MAML2: variants seen among roughly 807,000 people sequenced by gnomAD.
MAML2 encodes mastermind-like protein 2.
In MAML2, 22 loss-of-function variants were observed where a neutral mutation model predicts 96.1. That is an observed-to-expected ratio of 0.23 (90% CI 0.16 to 0.33). MAML2 has a LOEUF of 0.33. MAML2 is among the 10% of genes least tolerant of loss of function. The pLI is 1.00. For synonymous variants in MAML2, 561 were observed against 521.3 expected (o/e 1.08, Z -1.04); for missense variants, 1,367 against 1,392.4 (o/e 0.98, Z 0.29).
chr11:96,272,562 G>T (rs1400726200), intron 1 of MAML2, among the ~76,000 whole-genome samples: 1 of 152,174 alleles, frequency 6.6e-6, no homozygotes, highest in Non-Finnish European at 1.5e-5. Flanking sequence ...AATCTCAGAA[G>T]CAGCCCACCA....
intron 2 of MAML2, among the ~76,000 whole-genome samples, chr11:96,065,885 G>A (rs978042524): frequency 6.6e-6 from 1 of 152,154 alleles, no homozygotes; most frequent in South Asian, 2.1e-4. Flanking sequence ...TGCTGGGATA[G>A]GGCAGGCTCC....
In MAML2 at chr11:96,304,314, C is replaced by T. The variant is rs545383465; in HGVS notation, c.513+37069G>A. 5.3e-5 allele frequency among the ~76,000 whole-genome samples: 8 copies of T among 152,258 alleles called. No homozygotes were observed. In the South Asian group the frequency reaches 1.7e-3, roughly 32 times the overall value. The stretch of plus-strand genomic sequence containing the variant: ...CTAAACTCCTTCTGACACTGAGATC[C>T]ACAAAAGGGTTGATGAGGAAGCTTG... On this transcript the variant is annotated intron_variant, in intron 1 of 4. Transcript: ENST00000524717.
chr11:96,012,972 A>G (rs1434339564), intron 2 of MAML2, among the ~76,000 whole-genome samples: 3 of 152,138 alleles, frequency 2.0e-5, no homozygotes, highest in Non-Finnish European at 4.4e-5. Flanking sequence ...GGCATTATCT[A>G]TCTTAGTTGG....
At chr11:96,165,121 A>G (rs1861171655) in intron 1 of MAML2, among the ~76,000 whole-genome samples, 1 of 152,226 alleles carries the variant, frequency 6.6e-6, no homozygotes, top group Non-Finnish European at 1.5e-5. Flanking sequence ...CATATGCACA[A>G]TATTTTTCAG....
intron 2 of MAML2, among the ~76,000 whole-genome samples, chr11:96,055,219 C>G (rs1289762239): frequency 6.6e-6 from 1 of 152,190 alleles, no homozygotes; most frequent in Non-Finnish European, 1.5e-5. Context: ...AGTCATACTT[C>G]TCTCTTGCCA....
chr11:96,278,169 C>T lies in MAML2; in HGVS notation c.513+63214G>A, dbSNP rs113269563. Among the ~76,000 whole-genome samples the T allele has an allele frequency of 7.7e-4, 117 of 152,142 alleles. 1 individual carries two copies. The highest frequency in any genetic ancestry group is 2.7e-3 in the African/African-American group (111 of 41,512). On this transcript the variant is annotated intron_variant, in intron 1 of 4. Coordinates refer to ENST00000524717, the MANE Select transcript of MAML2 (RefSeq NM_032427.4). ...AGAATCTGATTCTGTGTTCATATTCCGTATCACAGATAGCTCTTGGCTTTT... is the reference window on the plus strand; with the variant it reads ...AGAATCTGATTCTGTGTTCATATTCTGTATCACAGATAGCTCTTGGCTTTT...
intron 1 of MAML2, among the ~76,000 whole-genome samples, chr11:96,097,177 C>T (rs1859845607): frequency 6.6e-6 from 1 of 152,160 alleles, no homozygotes; most frequent in Non-Finnish European, 1.5e-5. Flanking sequence ...TATAGAGTCT[C>T]TCAAGATGCA....
chr11:96,045,185 A>G (rs1858876833), intron 2 of MAML2, among the ~76,000 whole-genome samples: 1 of 152,206 alleles, frequency 6.6e-6, no homozygotes, highest in Non-Finnish European at 1.5e-5. Flanking sequence ...TTTAGGTCAT[A>G]TGGATGTCCC....
chr11:96,120,250 T>G (rs993140231), intron 1 of MAML2, among the ~76,000 whole-genome samples: 7 of 152,218 alleles, frequency 4.6e-5, no homozygotes, highest in African/African-American at 1.7e-4. Context: ...AGCCACCGCG[T>G]CCGGCCAAGA....
chr11:96,092,886 A>G lies in MAML2; in HGVS notation c.1145T>C (p.Leu382Pro). 6.2e-7 allele frequency: 1 copy of G among 1,604,834 alleles called. No homozygotes were observed. Among genetic ancestry groups the G allele is most frequent in the Non-Finnish European group, 8.5e-7 (1 of 1,175,234 alleles). ...LTQGPSGSPQ[L>P]RPPSAGPAFS... ...TGCGGGGCCAGCTGATGGGGGCCTCAGCTGAGGAGAGCCTGAGGGGCCCTG... is the reference window on the plus strand; with the variant it reads ...TGCGGGGCCAGCTGATGGGGGCCTCGGCTGAGGAGAGCCTGAGGGGCCCTG... Residue 382 changes from leucine (L) to proline (P), a missense_variant, in exon 2 of 5, where the codon CTG becomes CCG. By Grantham distance (98) the Leu-to-Pro change is moderately conservative. Transcript: ENST00000524717. The surrounding 1 kb of genome is among the most constrained non-coding windows in gnomAD (Gnocchi z 4.1).
intron 2 of MAML2, among the ~76,000 whole-genome samples, chr11:96,042,344 G>A (rs1858828465): frequency 6.6e-6 from 1 of 151,866 alleles, no homozygotes; most frequent in Non-Finnish European, 1.5e-5. Context: ...CTGGTCTCGA[G>A]CTCCCGACCT....
At chr11:96,103,440 A>G (rs1020474232) in intron 1 of MAML2, among the ~76,000 whole-genome samples, 5 of 152,214 alleles carry the variant, frequency 3.3e-5, no homozygotes, top group Non-Finnish European at 1.5e-5. Flanking sequence ...CCAACTGTAG[A>G]GGGACCACTT....
chr11:96,341,224 G>A (rs115585226), intron 1 of MAML2, among the ~76,000 whole-genome samples, 159 bp downstream of exon 1: 2,935 of 152,234 alleles, frequency 0.019, 83 homozygotes, highest in African/African-American at 0.067. Flanking sequence ...ATGAGTAGGC[G>A]CATGAAACCA....
chr11:96,150,870 C>T (rs1386526346), intron 1 of MAML2, among the ~76,000 whole-genome samples: 2 of 152,154 alleles, frequency 1.3e-5, no homozygotes, highest in African/African-American at 4.8e-5. Context: ...TCTGAAGTCT[C>T]CCTGCTTAAA....
At chr11:96,091,178 C>T (rs72969760) in intron 2 of MAML2, among the ~76,000 whole-genome samples, 7,753 of 152,178 alleles carry the variant, frequency 0.051, 417 homozygotes, top group East Asian at 0.14. Context: ...TATCTGTAGT[C>T]GTGATAATTT....
chr11:96,056,388 G>GAA (rs34837308), intron 2 of MAML2, among the ~76,000 whole-genome samples: 18,297 of 97,368 alleles, frequency 0.19, 1,557 homozygotes, highest in South Asian at 0.28. Context: ...ATTTTCTGAG[G>GAA]AAAAAAAAAA....
intron 1 of MAML2, among the ~76,000 whole-genome samples, chr11:96,192,989 T>C (rs1404988911): frequency 6.6e-6 from 1 of 152,210 alleles, no homozygotes; most frequent in African/African-American, 2.4e-5. Context: ...AGGAATCACA[T>C]TGTGGGTGTA....
chr11:95,993,370 C>T (rs1403736134), intron 2 of MAML2, among the ~76,000 whole-genome samples: 1 of 152,088 alleles, frequency 6.6e-6, no homozygotes, highest in Non-Finnish European at 1.5e-5. Context: ...GAGTTTGAGA[C>T]CAGCCTGGCC....
chr11:96,028,569 T>C (rs765660581), intron 2 of MAML2, among the ~76,000 whole-genome samples: 29 of 152,348 alleles, frequency 1.9e-4, no homozygotes, highest in Non-Finnish European at 2.9e-4. Context: ...ATATCCTTAG[T>C]GATCAGCAAA....
Sources: gnomAD v4.1 joint callset for allele counts (sites outside exome capture counted in the v4.1 genomes callset) on GRCh38, gnomAD v4.1.1 for gene constraint, Gnocchi (gnomAD v3.1) non-coding constraint, MANE v1.5 for transcripts, NCBI Gene and HGNC (gene_info 2026-07-23, HGNC 2026-07-21) for gene names.